The following ST6GAL2 variants were observed in gnomAD, a reference collection of about 807,000 sequenced individuals.
The protein encoded by ST6GAL2 is ST6 beta-galactoside alpha-2,6-sialyltransferase 2.
In ST6GAL2, 24 loss-of-function variants were observed where a neutral mutation model predicts 37.5. That is an observed-to-expected ratio of 0.64 (90% CI 0.46 to 0.90). The LOEUF (loss-of-function observed/expected upper bound fraction) is 0.90. ST6GAL2 is among the 40% of genes least tolerant of loss of function. ST6GAL2 has a pLI of 0.00. For missense variants in ST6GAL2, 715 were observed against 712.7 expected (o/e 1.00, Z -0.04); for synonymous variants, 306 against 295.1 (o/e 1.04, Z -0.38).
chr2:106,826,360 G>C (rs569275269), intron 5 of ST6GAL2, among the ~76,000 whole-genome samples: 4 of 152,136 alleles, frequency 2.6e-5, no homozygotes, highest in African/African-American at 9.6e-5. Flanking sequence ...TTGAAAGCAG[G>C]GGCAAGAGAC....
At chr2:106,854,817 T>G (rs944328721) in intron 1 of ST6GAL2, among the ~76,000 whole-genome samples, 5 of 152,124 alleles carry the variant, frequency 3.3e-5, no homozygotes, top group African/African-American at 1.2e-4. Context: ...CTTATTTTAT[T>G]GTATAAAGTG....
intron 2 of ST6GAL2, among the ~76,000 whole-genome samples, chr2:106,839,472 C>T (rs1676787344): frequency 1.3e-5 from 2 of 152,146 alleles, no homozygotes; most frequent in Admixed American, 1.3e-4. Context: ...GATAGTTGAG[C>T]CTGTGACCTA....
intron 1 of ST6GAL2, among the ~76,000 whole-genome samples, chr2:106,877,929 T>C (rs1678575385): frequency 6.6e-6 from 1 of 152,218 alleles, no homozygotes; most frequent in Non-Finnish European, 1.5e-5. Context: ...CTGTCTGGGT[T>C]GAGCAGGGAC....
rs865923174 is a variant in ST6GAL2 at position 106,884,906 on chromosome 2, C to T, written c.-58+1187G>A. On this transcript the variant is annotated intron_variant, in intron 1 of 5. Coordinates refer to ENST00000409382, the MANE Select transcript of ST6GAL2 (RefSeq NM_001142351.2). ...AAGTTTTAACCCTAAATTTGCAGCGCATATATATATATATATATATATATA... is the reference window on the plus strand; with the variant it reads ...AAGTTTTAACCCTAAATTTGCAGCGTATATATATATATATATATATATATA... Among the ~76,000 whole-genome samples the T allele has an allele frequency of 1.3e-3, 102 of 76,480 alleles. 1 individual carries two copies. Among genetic ancestry groups the T allele is most frequent in the African/African-American group, 6.2e-3 (90 of 14,432 alleles). 50.2% of individuals were successfully genotyped at this position (76,480 alleles called of 152,430 possible).
chr2:106,806,644 A>T lies in ST6GAL2; in HGVS notation c.*34T>A, dbSNP rs771320592. ...TTGTGACTTTGAGTACAACAGTAGT[A>T]CCTTATTGCACATTGATTCCCAAGA... is the stretch of plus-strand genomic sequence containing the variant. On this transcript the variant is annotated 3_prime_UTR_variant, in exon 6 of 6. Coordinates refer to ENST00000409382, the MANE Select transcript of ST6GAL2 (RefSeq NM_001142351.2). The T allele has an allele frequency of 1.5e-5, 24 of 1,600,644 alleles. No homozygotes were observed. The highest frequency in any genetic ancestry group is 1.8e-5 in the Non-Finnish European group (21 of 1,171,732).
chr2:106,849,987 A>C (rs970571342), intron 1 of ST6GAL2, among the ~76,000 whole-genome samples: 14 of 152,178 alleles, frequency 9.2e-5, no homozygotes, highest in African/African-American at 3.4e-4. Context: ...CCTGTGACCC[A>C]GTTGCCTCGG....
intron 1 of ST6GAL2, among the ~76,000 whole-genome samples, chr2:106,881,211 A>G (rs561468155): frequency 1.3e-5 from 2 of 152,256 alleles, no homozygotes; most frequent in East Asian, 3.9e-4. Context: ...GCTAGTCTTA[A>G]ACTCCTGGGC....
chr2:106,827,463 T>C (rs1676251803), intron 5 of ST6GAL2, among the ~76,000 whole-genome samples: 1 of 152,146 alleles, frequency 6.6e-6, no homozygotes, highest in African/African-American at 2.4e-5. Flanking sequence ...TGCTTCACCA[T>C]GACAAGGCAC....
At chr2:106,865,219 A>G (rs948567715) in intron 1 of ST6GAL2, among the ~76,000 whole-genome samples, 7 of 152,332 alleles carry the variant, frequency 4.6e-5, no homozygotes, top group South Asian at 2.1e-4. Context: ...TGGCTCATAA[A>G]TCTCCTGAAA....
At chr2:106,877,672 C>T (rs1424944114) in intron 1 of ST6GAL2, among the ~76,000 whole-genome samples, 5 of 152,240 alleles carry the variant, frequency 3.3e-5, no homozygotes, top group Non-Finnish European at 5.9e-5. Flanking sequence ...GGCACCTACA[C>T]AAGATAAACA....
chr2:106,884,915 A>ATATATATG (rs1471046650), intron 1 of ST6GAL2, among the ~76,000 whole-genome samples: 20 of 113,602 alleles, frequency 1.8e-4, no homozygotes, highest in African/African-American at 4.9e-4. Context: ...GCATATATAT[A>ATATATATG]TATATATATA....
chr2:106,843,443 T>G lies in ST6GAL2; in HGVS notation c.535A>C (p.Arg179=), dbSNP rs1457941582. 1.9e-6 allele frequency: 3 copies of G among 1,614,060 alleles called. No homozygotes were observed. The highest frequency in any genetic ancestry group is 2.2e-5 in the South Asian group (2 of 91,084). Residue 179 remains arginine, a synonymous_variant, in exon 2 of 6, where the codon AGG becomes CGG. Coordinates refer to ENST00000409382, the MANE Select transcript of ST6GAL2 (RefSeq NM_001142351.2). ...TCCAACACGTGGCTCCTTCTCTGCC[T>G]CCGGTGCCTCTTCTTCACCCGCCTC... The part of the protein sequence containing the change: ...QRRRVKKRHR[R]QRRSHVLEEG...
Position 106,830,220 on chromosome 2 carries a change from G to A in ST6GAL2, c.1164C>T (p.Tyr388=). 1 of 1,610,966 alleles carries A rather than the reference G, an allele frequency of 6.2e-7. No homozygotes were observed. Among genetic ancestry groups the A allele is most frequent in the South Asian group, 1.1e-5 (1 of 90,750 alleles). ...NLNLWYKKPD[Y]NLFTPYIQHR... ...GCTGAATATATGGAGTGAACAGGTT[G>A]TAATCCGGTTTTTTGTACCACTAAG... The change falls in exon 5 of 6, where the codon TAC becomes TAT. Residue 388 remains tyrosine (Y), a synonymous_variant. Coordinates refer to ENST00000409382, the MANE Select transcript of ST6GAL2 (RefSeq NM_001142351.2).
chr2:106,854,061 T>C (rs76086059), intron 1 of ST6GAL2, among the ~76,000 whole-genome samples: 6 of 152,316 alleles, frequency 3.9e-5, no homozygotes, highest in African/African-American at 1.4e-4. Context: ...ATACCTGCCA[T>C]TGGGACTTGA....
chr2:106,848,994 G>A (rs1279819118), intron 1 of ST6GAL2, among the ~76,000 whole-genome samples: 1 of 152,112 alleles, frequency 6.6e-6, no homozygotes, highest in African/African-American at 2.4e-5. Context: ...TATATACCTG[G>A]TCTTGTATGG....
At chr2:106,825,390 G>T (rs1028330148) in intron 5 of ST6GAL2, among the ~76,000 whole-genome samples, 1 of 152,182 alleles carries the variant, frequency 6.6e-6, no homozygotes, top group African/African-American at 2.4e-5. Context: ...CCTGAATCCA[G>T]ACAGTTTCAT....
chr2:106,881,201 G>C (rs1678737700), intron 1 of ST6GAL2, among the ~76,000 whole-genome samples: 1 of 152,070 alleles, frequency 6.6e-6, no homozygotes, highest in Non-Finnish European at 1.5e-5. Context: ...TGTTGCCCAG[G>C]CTAGTCTTAA....
chr2:106,852,187 C>T (rs1471157779), intron 1 of ST6GAL2, among the ~76,000 whole-genome samples: 3 of 152,212 alleles, frequency 2.0e-5, no homozygotes, highest in Admixed American at 6.5e-5. Flanking sequence ...AGAAAAAGGT[C>T]GGCCAGGTCA....
At chr2:106,854,690 T>C (rs1319130881) in intron 1 of ST6GAL2, among the ~76,000 whole-genome samples, 2 of 151,978 alleles carry the variant, frequency 1.3e-5, no homozygotes, top group Admixed American at 6.6e-5. Flanking sequence ...TAAACACGAG[T>C]GTCTGACTCA....
Sources: gnomAD v4.1 joint callset for allele counts (sites outside exome capture counted in the v4.1 genomes callset) on GRCh38, gnomAD v4.1.1 for gene constraint, MANE v1.5 for transcripts, NCBI Gene and HGNC (gene_info 2026-07-23, HGNC 2026-07-21) for gene names.